The following PCMTD2 variants were observed in gnomAD, a reference collection of about 807,000 sequenced individuals.
PCMTD2 encodes protein-L-isoaspartate O-methyltransferase domain-containing protein 2.
PCMTD2 carries 16 observed loss-of-function variants against 33.4 expected under a neutral mutation model. The ratio of observed to expected loss-of-function variants is 0.48; its 90% CI spans 0.32 to 0.73. PCMTD2 has a LOEUF of 0.73. Ranked by LOEUF, PCMTD2 falls within the 30% of genes least tolerant of loss-of-function variation. The pLI is 0.03. For synonymous variants in PCMTD2, 161 were observed against 160.8 expected, an observed-to-expected ratio of 1.00 and a Z score of -0.01; for missense variants, 374 against 449.9, an observed-to-expected ratio of 0.83 and a Z score of 1.53.
chr20:64,264,490 G>A lies in PCMTD2; in HGVS notation c.369G>A (p.Gln123=). 1 of 1,604,046 alleles carries A rather than the reference G, an allele frequency of 6.2e-7. No homozygotes were observed. Among genetic ancestry groups the A allele is most frequent in the Non-Finnish European group, 8.5e-7 (1 of 1,170,904 alleles). The change falls in exon 3 of 6, where the codon CAG becomes CAA. Residue 123 remains glutamine, a synonymous_variant. Coordinates refer to ENST00000308824, the MANE Select transcript of PCMTD2 (RefSeq NM_018257.3). ...CAGATGTGATAGAGTATGCAAAGCA[G>A]AAACTGGACTTCTTCATCAGAACAA... ...LHSDVIEYAK[Q]KLDFFIRTSD...
In PCMTD2 at chr20:64,265,256, A is replaced by G; in HGVS notation, c.411-2A>G. On this transcript the variant is annotated splice_acceptor_variant, in intron 3 of 5. Transcript: ENST00000308824. LOFTEE classifies it high-confidence loss of function. ...GTTGCAGGAAGCATTTTTTACTTCC[A>G]GGTTTGACTTCTGTGAACCTTCCTT... 1 of 1,588,702 alleles carries G rather than the reference A, an allele frequency of 6.3e-7. No homozygotes were observed. The highest frequency in any genetic ancestry group is 8.6e-7 in the Non-Finnish European group (1 of 1,168,392).
Position 64,273,667 on chromosome 20 carries a change from T to A in PCMTD2, c.*67T>A. The stretch of plus-strand genomic sequence containing the variant: ...GAGTGTGAAGTTCGTGCTGCCTGTG[T>A]GCTGTTGAAGGGTCACCTGGAGGCA... On this transcript the variant is annotated 3_prime_UTR_variant, in exon 6 of 6. Transcript: ENST00000308824. 7.0e-7 allele frequency: 1 copy of A among 1,426,486 alleles called. No individual in the cohort carries two copies. Among genetic ancestry groups the A allele is most frequent in the Non-Finnish European group, 9.4e-7 (1 of 1,061,836 alleles). 88.4% of individuals were successfully genotyped at this position (1,426,486 alleles called of 1,614,324 possible).
At chr20:64,258,867 G>C (rs549242082) in intron 1 of PCMTD2, 1 of 152,314 alleles carries the variant, frequency 6.6e-6, no homozygotes, top group East Asian at 1.9e-4. Context: ...CAGTTACTTT[G>C]AAAAAGTTAC....
At position 64,273,772 on chromosome 20, in the gene PCMTD2, T is replaced by C; in HGVS notation, c.*172T>C. On this transcript the variant is annotated 3_prime_UTR_variant, in exon 6 of 6. Coordinates refer to ENST00000308824, the MANE Select transcript of PCMTD2 (RefSeq NM_018257.3). The stretch of plus-strand genomic sequence containing the variant: ...TTCCTGATTGACCTCTAAAATTCTA[T>C]TCAGTTGTATGATTTGTTTACATAG... The C allele has an allele frequency of 2.0e-6, 1 of 498,254 alleles. No homozygotes were observed. The highest frequency in any genetic ancestry group is 3.1e-5 in the East Asian group (1 of 32,182). The allele number at this position is 498,254 out of a possible 1,614,324, so 30.9% of individuals were successfully genotyped here. A position where few individuals can be genotyped will look rare whatever the true frequency, so the allele number is the denominator to read the frequency against.
intron 2 of PCMTD2, among the ~76,000 whole-genome samples, chr20:64,262,010 T>C (rs1021629378): frequency 3.3e-5 from 5 of 152,144 alleles, no homozygotes; most frequent in African/African-American, 1.2e-4. Context: ...CTCAGCACTT[T>C]GGGAGGCCGA....
At position 64,268,030 on chromosome 20, in the gene PCMTD2, C is replaced by T; in HGVS notation, c.706+20C>T. On this transcript the variant is annotated intron_variant, in intron 5 of 5. Transcript: ENST00000308824. ...AGTTACGTAAGTATACCAATCTTTA[C>T]TTATTTTATCTTTTAGATCTTTTCT... 1.3e-6 allele frequency: 2 copies of T among 1,577,196 alleles called. No individual in the cohort carries two copies. Among genetic ancestry groups the T allele is most frequent in the Non-Finnish European group, 1.7e-6 (2 of 1,156,128 alleles).
intron 1 of PCMTD2, among the ~76,000 whole-genome samples, chr20:64,256,314 T>C (rs906232055): frequency 1.3e-5 from 2 of 152,152 alleles, no homozygotes; most frequent in African/African-American, 4.8e-5. Context: ...TAGTAAGAAT[T>C]GGAGCAGAGC....
chr20:64,258,391 G>T (rs185744005), intron 1 of PCMTD2, among the ~76,000 whole-genome samples: 23 of 152,292 alleles, frequency 1.5e-4, no homozygotes, highest in Admixed American at 3.9e-4. Flanking sequence ...AATTCAAAAA[G>T]GGTGTGAAAA....
intron 5 of PCMTD2, chr20:64,271,764 C>T: frequency 6.0e-6 from 1 of 166,794 alleles, no homozygotes; most frequent in South Asian, 1.6e-4. Flanking sequence ...AGCGGCTGTG[C>T]CTTGGGCCAG....
chr20:64,273,405 C>T lies in PCMTD2; in HGVS notation c.891C>T (p.Val297=), dbSNP rs747925562. 8.1e-6 allele frequency: 13 copies of T among 1,614,060 alleles called. No individual in the cohort carries two copies. The East Asian group carries it at 2.5e-4, about 30-fold the overall frequency. The stretch of plus-strand genomic sequence containing the variant: ...CGATTGTCTTTTTGGACAAAGAAGT[C>T]TTTGCCAGTCGGATTTCCAACCCCT... ...METIVFLDKE[V]FASRISNPSD... The change falls in exon 6 of 6, where the codon GTC becomes GTT. Residue 297 remains valine, a synonymous_variant. Transcript: ENST00000308824.
intron 2 of PCMTD2, among the ~76,000 whole-genome samples, chr20:64,264,191 C>G (rs1203370108): frequency 1.3e-5 from 2 of 152,196 alleles, no homozygotes; most frequent in Admixed American, 1.3e-4. Context: ...TTAGTAAGAC[C>G]TGAACACTTG....
At chr20:64,269,002 G>T (rs747587018) in intron 5 of PCMTD2, among the ~76,000 whole-genome samples, 30 of 152,230 alleles carry the variant, frequency 2.0e-4, no homozygotes, top group Non-Finnish European at 4.4e-4. Context: ...AGAAAGGGGA[G>T]AAAAGTACCA....
Position 64,274,574 on chromosome 20 carries a change from C to G in PCMTD2, c.*974C>G, listed in dbSNP as rs1986039808. On this transcript the variant is annotated 3_prime_UTR_variant, in exon 6 of 6. Transcript: ENST00000308824. ...ATGGGCAGCCTGTGCTTTTTGACTT[C>G]AGTTTGCTATTTTTCTGTGATCACA... 1 of 152,164 alleles carries G rather than the reference C, an allele frequency of 6.6e-6. No homozygotes were observed. The highest frequency in any genetic ancestry group is 1.5e-5 in the Non-Finnish European group (1 of 68,034). 9.4% of individuals were successfully genotyped at this position (152,164 alleles called of 1,614,324 possible).
In PCMTD2 at chr20:64,274,399, C is replaced by T. The variant is rs6122295; in HGVS notation, c.*799C>T. ...CTTGGAAAAGGAAACAGATTTTTTC[C>T]TGTGTGTAAGCAATAAGTGAAGTTA... is the stretch of plus-strand genomic sequence containing the variant. On this transcript the variant is annotated 3_prime_UTR_variant, in exon 6 of 6. Transcript: ENST00000308824. 1 of 149,940 alleles carries T rather than the reference C, an allele frequency of 6.7e-6. No homozygotes were observed. Among genetic ancestry groups the T allele is most frequent in the African/African-American group, 2.5e-5 (1 of 40,506 alleles). 9.3% of individuals were successfully genotyped at this position (149,940 alleles called of 1,614,324 possible). A position where few individuals can be genotyped will look rare whatever the true frequency, so the allele number is the denominator to read the frequency against.
At chr20:64,258,957 C>T (rs1328865948) in intron 1 of PCMTD2, 2 of 152,192 alleles carry the variant, frequency 1.3e-5, no homozygotes, top group Non-Finnish European at 2.9e-5. Flanking sequence ...AAAGTGTTTT[C>T]TTGTGAATTA....
At chr20:64,259,864 T>G in intron 1 of PCMTD2, 78 bp from the exon 2 acceptor site, 1 of 679,708 alleles carries the variant, frequency 1.5e-6, no homozygotes, top group Non-Finnish European at 2.5e-6. Context: ...AATTTCAAAT[T>G]GGTATCTGTT....
At position 64,265,365 on chromosome 20, in the gene PCMTD2, A is replaced by T; in HGVS notation, c.518A>T (p.His173Leu). The change falls in exon 4 of 6, where the codon CAT becomes CTT. Residue 173 changes from histidine to leucine, a missense_variant. Transcript: ENST00000308824. ...VYCGAGVQKE[H>L]EEYMKNLLKV... The stretch of plus-strand genomic sequence containing the variant: ...TGTGGGGCTGGCGTGCAGAAAGAGC[A>T]TGAAGAGTACATGAAGAATCTTCTC... The T allele has an allele frequency of 6.2e-7, 1 of 1,613,812 alleles. No homozygotes were observed. Among genetic ancestry groups the T allele is most frequent in the East Asian group, 2.2e-5 (1 of 44,878 alleles).
chr20:64,273,608 G>C lies in PCMTD2; in HGVS notation c.*8G>C, dbSNP rs762461385. 6.6e-7 allele frequency: 1 copy of C among 1,513,344 alleles called. No individual in the cohort carries two copies. Among genetic ancestry groups the C allele is most frequent in the East Asian group, 2.3e-5 (1 of 43,968 alleles). The allele number at this position is 1,513,344 out of a possible 1,614,324, so 93.7% of individuals were successfully genotyped here. Reference sequence around the variant, plus strand: ...TATTACAGAGAAAAATAAGTCTCCTGTTTGAAAGGGGGAAATAGGAAGAGC... The same window carrying C: ...TATTACAGAGAAAAATAAGTCTCCTCTTTGAAAGGGGGAAATAGGAAGAGC... On this transcript the variant is annotated 3_prime_UTR_variant, in exon 6 of 6. Transcript: ENST00000308824.
chr20:64,260,073 CGA>C lies in PCMTD2; in HGVS notation c.109_110del (p.Asp37SerfsTer7). On this transcript the variant is annotated frameshift_variant, in exon 2 of 6. Coordinates refer to ENST00000308824, the MANE Select transcript of PCMTD2 (RefSeq NM_018257.3). LOFTEE classifies it high-confidence loss of function. ...ELVEQAFRAIDRADYYLEEFK... is the reference protein window; with the variant it reads ...ELVEQAFRAIXRADYYLEEFK... ...TGGTAGAGCAGGCTTTCAGAGCTAT[CGA>C]TCGTGCAGACTATTATCTTGAAGAA... The C allele has an allele frequency of 6.2e-7, 1 of 1,611,488 alleles. No homozygotes were observed. Among genetic ancestry groups the C allele is most frequent in the Non-Finnish European group, 8.5e-7 (1 of 1,177,668 alleles).
Sources: allele counts gnomAD v4.1 joint callset (sites outside exome capture counted in the v4.1 genomes callset), GRCh38; gene constraint gnomAD v4.1.1; transcripts MANE v1.5; gene names NCBI Gene and HGNC (gene_info 2026-07-23, HGNC 2026-07-21).